Variants in MTERF4 observed in about 807,000 individuals in gnomAD.
MTERF4 encodes mitochondrial transcription termination factor 4, also known as transcription termination factor 4, mitochondrial.
Under a neutral mutation model 22.5 loss-of-function variants are expected in MTERF4, and 17 were observed. The ratio of observed to expected loss-of-function variants is 0.75; its 90% confidence interval spans 0.52 to 1.13. The LOEUF (loss-of-function observed/expected upper bound fraction) is 1.13. Among genes scored for constraint, MTERF4 ranks in the 50% most tolerant of loss-of-function variants. The pLI is 0.00. For missense variants in MTERF4, 420 were observed against 466.8 expected (o/e 0.90, Z 0.92); for synonymous variants, 165 against 175.3 (o/e 0.94, Z 0.47).
At chr2:241,100,485 C>T (rs1047872949) in intron 1 of MTERF4, among the ~76,000 whole-genome samples, 1 of 151,868 alleles carries the variant, frequency 6.6e-6, no homozygotes, top group South Asian at 2.1e-4. Flanking sequence ...TTTTTTGAGA[C>T]GGGGGTCTCA....
At chr2:241,071,948 C>G (rs761635333), downstream of MTERF4, 93 of 1,262,868 alleles carry the variant, frequency 7.4e-5, no homozygotes, top group Admixed American at 5.9e-5. Context: ...TCACCAGGTC[C>G]TGTCCCCTAC....
chr2:241,051,520 A>C, the MTERF4 span: 1 of 421,352 alleles, frequency 2.4e-6, no homozygotes. The surrounding 1 kb of genome is among the most constrained non-coding windows in gnomAD (Gnocchi z 4.7). Context: ...ACAGGCAAGC[A>C]AAGGGCCCAC....
At chr2:241,048,242 T>C in the MTERF4 span, 2 of 1,473,386 alleles carry the variant, frequency 1.4e-6, no homozygotes, top group South Asian at 1.4e-5. Flanking sequence ...AAAGGTGCCA[T>C]TGGAGCTGGG....
chr2:241,052,189 C>A, the MTERF4 span: 1 of 1,581,614 alleles, frequency 6.3e-7, no homozygotes, highest in Non-Finnish European at 8.7e-7. Context: ...GCCAGGGCGG[C>A]CAGGGGTGAA....
chr2:241,064,629 T>A, the MTERF4 span, among the ~76,000 whole-genome samples: 1 of 152,146 alleles, frequency 6.6e-6, no homozygotes, highest in African/African-American at 2.4e-5. The surrounding 1 kb of genome is among the most constrained non-coding windows in gnomAD (Gnocchi z 7.0). Context: ...CCAGTCCGGC[T>A]GGTGGCACTC....
intron 1 of MTERF4, chr2:241,101,108 C>T: frequency 2.2e-6 from 1 of 457,492 alleles, no homozygotes; most frequent in South Asian, 1.6e-5. Flanking sequence ...TTGTTGTGCA[C>T]TTTATTTCTG....
downstream of MTERF4, chr2:241,068,999 A>T: frequency 6.4e-7 from 1 of 1,553,034 alleles, no homozygotes; most frequent in Non-Finnish European, 8.7e-7. This position sits in a 1 kb window ranked among gnomAD's most constrained non-coding sequence, Gnocchi z 5.3. Flanking sequence ...GAGCCTGGCC[A>T]CCGCGCCGAC....
Position 241,096,058 on chromosome 2 carries a change from A to C in MTERF4, c.1086T>G (p.Asp362Glu), listed in dbSNP as rs10203915. The C allele has an allele frequency of 1.2e-6, 2 of 1,612,888 alleles. No individual in the cohort carries two copies. Among genetic ancestry groups the C allele is most frequent in the Non-Finnish European group, 1.7e-6 (2 of 1,179,364 alleles). ...TGTCCTCCGCCTCGTCGTCGTCCTC[A>C]TCATCGTCATCCTCATCATTGTCAT... is the stretch of plus-strand genomic sequence containing the variant. ...DEDDNDEDDD[D>E]EDDDEAEDND... The change falls in exon 4 of 4, where the codon GAT becomes GAG. Residue 362 changes from aspartate (D) to glutamate (E), a missense_variant. By Grantham distance (45) the Asp-to-Glu change is conservative (BLOSUM62 2). Coordinates refer to ENST00000391980, the MANE Select transcript of MTERF4 (RefSeq NM_182501.4). The surrounding 1 kb of genome is among the most constrained non-coding windows in gnomAD (Gnocchi z 5.1).
Position 241,099,567 on chromosome 2 carries a change from G to A in MTERF4, c.349C>T (p.Arg117Ter), listed in dbSNP as rs772466887. ...AHINELLSVR[R>*]GASLQQLLDI... ...AGCAACTGTTGAAGACTGGCACCTCGCCGTACACTGAGCAATTCATTAATA... is the reference window on the plus strand; with the variant it reads ...AGCAACTGTTGAAGACTGGCACCTCACCGTACACTGAGCAATTCATTAATA... The change falls in exon 2 of 4, where the codon CGA becomes TGA. Residue 117 changes from arginine to a stop codon, truncating the protein, a stop_gained. Transcript: ENST00000391980. LOFTEE classifies it high-confidence loss of function. 2.5e-6 allele frequency: 4 copies of A among 1,614,156 alleles called. No homozygotes were observed. The highest frequency in any genetic ancestry group is 2.2e-5 in the East Asian group (1 of 44,888).
At chr2:241,101,967 T>G (rs1217525282) in intron 1 of MTERF4, among the ~76,000 whole-genome samples, 3 of 151,798 alleles carry the variant, frequency 2.0e-5, no homozygotes, top group African/African-American at 7.3e-5. Context: ...GCAGTAGAAT[T>G]GCTTGAACCC....
chr2:241,099,685 G>A lies in MTERF4; in HGVS notation c.231C>T (p.Leu77=). Residue 77 remains leucine, a synonymous_variant, in exon 2 of 4, where the codon CTC becomes CTT. Transcript: ENST00000391980. The part of the protein sequence containing the change: ...PECRRNLVQC[L]LEKQGTPVVQ... ...CCACAGGAGTCCCCTGCTTCTCAAG[G>A]AGGCACTGAACAAGATTCCTCCTGC... The A allele has an allele frequency of 6.2e-7, 1 of 1,614,168 alleles. No homozygotes were observed. The highest frequency in any genetic ancestry group is 1.3e-5 in the African/African-American group (1 of 75,040).
Position 241,099,905 on chromosome 2 carries a change from C to A in MTERF4, c.22-11G>T, listed in dbSNP as rs762010615. 1.9e-6 allele frequency: 3 copies of A among 1,608,158 alleles called. No individual in the cohort carries two copies. The South Asian group carries it at 3.3e-5, about 18-fold the overall frequency. ...GTGCCAATCAAGGACCTGTAAGACA[C>A]AGGACCAAAAGACAATTAATTCCTC... On this transcript the variant is annotated splice_polypyrimidine_tract_variant and intron_variant, in intron 1 of 3. Coordinates refer to ENST00000391980, the MANE Select transcript of MTERF4 (RefSeq NM_182501.4).
In MTERF4 at chr2:241,072,333, G is replaced by T. The variant is rs1481836877; in HGVS notation, n.3829C>A. ...TTCCCGGTGGCAGCAAGGCTGATGG[G>T]CCCAGGTGCCTTGGGCCCTTCCCAC... On this transcript the variant is annotated non_coding_transcript_exon_variant, in exon 5 of 5. Coordinates refer to the MTERF4 transcript ENST00000464344. 4 of 405,390 alleles carry T rather than the reference G, an allele frequency of 9.9e-6. No individual in the cohort carries two copies. The Admixed American group carries it at 1.1e-4, about 11-fold the overall frequency. 25.1% of individuals were successfully genotyped at this position (405,390 alleles called of 1,614,324 possible). A position where few individuals can be genotyped will look rare whatever the true frequency, so the allele number is the denominator to read the frequency against.
chr2:241,067,445 G>C (rs2062503949), downstream of MTERF4, among the ~76,000 whole-genome samples: 1 of 152,226 alleles, frequency 6.6e-6, no homozygotes, highest in Admixed American at 6.5e-5. Context: ...CTCATGTCCA[G>C]AGGGACTCCG....
rs2064460137 is a variant in MTERF4 at position 241,096,918 on chromosome 2, A to T, written c.705+325T>A. On this transcript the variant is annotated intron_variant, in intron 3 of 3. Coordinates refer to ENST00000391980, the MANE Select transcript of MTERF4 (RefSeq NM_182501.4). This position sits in a 1 kb window ranked among gnomAD's most constrained non-coding sequence, Gnocchi z 5.1. ...TAAAATTAGCTATTTCAGAGTCCCC[A>T]CTTAGACTCTAAGAATAGGACTGGA... The T allele has an allele frequency of 8.5e-6, 5 of 590,480 alleles. No individual in the cohort carries two copies. The highest frequency in any genetic ancestry group is 1.5e-5 in the Non-Finnish European group (5 of 335,318). The allele number at this position is 590,480 out of a possible 1,614,324, so 36.6% of individuals were successfully genotyped here.
the MTERF4 span, among the ~76,000 whole-genome samples, chr2:241,049,286 T>A: frequency 1.3e-5 from 2 of 152,150 alleles, 1 homozygote; most frequent in Admixed American, 1.3e-4. Flanking sequence ...TCAATAGCCT[T>A]CCTGTAATAT....
chr2:241,054,768 G>A, the MTERF4 span, among the ~76,000 whole-genome samples: 1 of 152,212 alleles, frequency 6.6e-6, no homozygotes, highest in African/African-American at 2.4e-5. Context: ...TGAGTTGAAA[G>A]ATCAGCTTGA....
At chr2:241,100,228 A>G (rs1291642446) in intron 1 of MTERF4, among the ~76,000 whole-genome samples, 1 of 152,220 alleles carries the variant, frequency 6.6e-6, no homozygotes, top group African/African-American at 2.4e-5. Flanking sequence ...ACCTCAGACT[A>G]CTTTCCAGAT....
chr2:241,057,738 A>T, the MTERF4 span, among the ~76,000 whole-genome samples: 1 of 152,146 alleles, frequency 6.6e-6, no homozygotes, highest in Non-Finnish European at 1.5e-5. Context: ...ATTCAGTCAA[A>T]TTGTTATTCA....
Sources: gnomAD v4.1 joint callset for allele counts (sites outside exome capture counted in the v4.1 genomes callset) on GRCh38, gnomAD v4.1.1 for gene constraint, Gnocchi (gnomAD v3.1) non-coding constraint, MANE v1.5 for transcripts, NCBI Gene and HGNC (gene_info 2026-07-23, HGNC 2026-07-21) for gene names.